The following MECOM variants were observed in gnomAD, a reference collection of about 807,000 sequenced individuals.
MECOM encodes the protein histone-lysine N-methyltransferase MECOM.
In MECOM, 13 loss-of-function variants were observed where a neutral mutation model predicts 116.3. The observed-to-expected ratio is 0.11, with a 90% CI of 0.07 to 0.18. The LOEUF (loss-of-function observed/expected upper bound fraction) is 0.18, where lower values mean the gene tolerates loss of function less well. Ranked by LOEUF, MECOM falls within the 10% of genes least tolerant of loss-of-function variation. The probability of loss-of-function intolerance (pLI) is 1.00; values close to 1 mark genes in which losing one functional copy is unlikely to be tolerated. For missense variants in MECOM, 1,299 were observed against 1,509.0 expected (o/e 0.86, Z 2.31); for synonymous variants, 528 against 535.2 (o/e 0.99, Z 0.19).
intron 3 of MECOM, chr3:169,131,804 G>A (rs1175459881): frequency 2.7e-6 from 2 of 743,292 alleles, no homozygotes; most frequent in Non-Finnish European, 3.7e-6. Flanking sequence ...AAGGCTAGCT[G>A]CGTCACATAT....
intron 1 of MECOM, among the ~76,000 whole-genome samples, chr3:169,631,618 C>A (rs1333701354): frequency 8.3e-6 from 1 of 121,028 alleles, no homozygotes; most frequent in Non-Finnish European, 1.7e-5. Context: ...CCCCTCCCCC[C>A]ACCCCACAAC....
chr3:169,498,416 C>G (rs1056058156), intron 1 of MECOM, among the ~76,000 whole-genome samples: 7 of 152,008 alleles, frequency 4.6e-5, no homozygotes, highest in Non-Finnish European at 8.8e-5. Context: ...TTTTCATGGA[C>G]CATAAAAGAA....
At chr3:169,237,945 G>C (rs1222106698) in intron 2 of MECOM, among the ~76,000 whole-genome samples, 1 of 151,988 alleles carries the variant, frequency 6.6e-6, no homozygotes, top group South Asian at 2.1e-4. Flanking sequence ...GGGAAGTCCA[G>C]GCAGGTGGAT....
intron 1 of MECOM, among the ~76,000 whole-genome samples, chr3:169,428,675 T>C (rs193283549): frequency 6.6e-6 from 1 of 152,368 alleles, no homozygotes; most frequent in East Asian, 1.9e-4. Context: ...ACACACTCTA[T>C]TGTACCTTTT....
chr3:169,448,172 A>G (rs1441384151), intron 1 of MECOM, among the ~76,000 whole-genome samples: 1 of 152,170 alleles, frequency 6.6e-6, no homozygotes, highest in Non-Finnish European at 1.5e-5. Context: ...AAATATTTTC[A>G]TGTAATTGAA....
chr3:169,167,626 T>G (rs950919816), intron 2 of MECOM, among the ~76,000 whole-genome samples: 10 of 152,138 alleles, frequency 6.6e-5, no homozygotes, highest in Admixed American at 6.5e-4. Context: ...ATCTTCTAAC[T>G]CCTCCTCCAT....
At chr3:169,094,740 C>T (rs1222333757) in intron 13 of MECOM, among the ~76,000 whole-genome samples, 1 of 152,212 alleles carries the variant, frequency 6.6e-6, no homozygotes, top group Admixed American at 6.5e-5. Context: ...TGCCTAGAGG[C>T]CACATTCTGT....
intron 1 of MECOM, among the ~76,000 whole-genome samples, chr3:169,660,222 C>T (rs187296723): frequency 1.3e-5 from 2 of 152,134 alleles, no homozygotes; most frequent in Non-Finnish European, 2.9e-5. Flanking sequence ...CTGCCAGAGT[C>T]GGTTTGGCTT....
At chr3:169,379,352 C>A (rs1337834598) in intron 2 of MECOM, among the ~76,000 whole-genome samples, 1 of 151,858 alleles carries the variant, frequency 6.6e-6, no homozygotes, top group African/African-American at 2.4e-5. Context: ...CAACTGAATT[C>A]TTGAAGGAGA....
chr3:169,612,506 A>G (rs1344641832), intron 1 of MECOM, among the ~76,000 whole-genome samples: 2 of 152,028 alleles, frequency 1.3e-5, no homozygotes, highest in African/African-American at 4.8e-5. Flanking sequence ...ACTTAAGGGT[A>G]GTTCAAGGGT....
At chr3:169,539,560 G>A (rs1759809829) in intron 1 of MECOM, among the ~76,000 whole-genome samples, 1 of 152,130 alleles carries the variant, frequency 6.6e-6, no homozygotes, top group South Asian at 2.1e-4. Context: ...ACAGTCAAAT[G>A]TTCACCAAGA....
chr3:169,214,456 G>T (rs1751174115), intron 2 of MECOM, among the ~76,000 whole-genome samples: 2 of 150,692 alleles, frequency 1.3e-5, no homozygotes. Flanking sequence ...ACTCATTCTA[G>T]GAAACTCCAT....
At chr3:169,493,018 T>C (rs1201874394) in intron 1 of MECOM, among the ~76,000 whole-genome samples, 1 of 152,212 alleles carries the variant, frequency 6.6e-6, no homozygotes, top group Non-Finnish European at 1.5e-5. Flanking sequence ...ACCTGTCTTT[T>C]CTTATTTAAA....
chr3:169,517,969 A>T (rs1371391133), intron 1 of MECOM, among the ~76,000 whole-genome samples: 1 of 152,236 alleles, frequency 6.6e-6, no homozygotes, highest in Non-Finnish European at 1.5e-5. Context: ...TTAAGAAAAC[A>T]GTTGACAGGG....
intron 7 of MECOM, among the ~76,000 whole-genome samples, chr3:169,118,327 A>G (rs1214845204): frequency 1.3e-5 from 2 of 152,210 alleles, no homozygotes; most frequent in Non-Finnish European, 2.9e-5. Context: ...AGAGGCTGTA[A>G]CATGCATTTT....
intron 2 of MECOM, among the ~76,000 whole-genome samples, chr3:169,239,914 G>T (rs987666908): frequency 4.6e-5 from 7 of 152,128 alleles, no homozygotes; most frequent in African/African-American, 1.7e-4. Context: ...TTATGCTTTA[G>T]TTGTAGAAGC....
At chr3:169,456,961 G>A (rs1345861067) in intron 1 of MECOM, among the ~76,000 whole-genome samples, 3 of 152,220 alleles carry the variant, frequency 2.0e-5, no homozygotes, top group African/African-American at 7.2e-5. Context: ...GCCCTGATGT[G>A]AGGCAGGTCA....
intron 2 of MECOM, among the ~76,000 whole-genome samples, chr3:169,348,383 A>G (rs1413716910): frequency 1.3e-5 from 2 of 152,006 alleles, no homozygotes; most frequent in Non-Finnish European, 2.9e-5. Context: ...ATCTCCAAGA[A>G]AGGGATAGTG....
At chr3:169,183,862 T>C (rs1315156898) in intron 2 of MECOM, among the ~76,000 whole-genome samples, 1 of 147,770 alleles carries the variant, frequency 6.8e-6, no homozygotes, top group Non-Finnish European at 1.5e-5. Flanking sequence ...TTCTTTTTTC[T>C]TTTTTCTCTT....
Sources: gnomAD v4.1 joint callset for allele counts (sites outside exome capture counted in the v4.1 genomes callset) on GRCh38, gnomAD v4.1.1 for gene constraint, MANE v1.5 for transcripts, NCBI Gene and HGNC (gene_info 2026-07-23, HGNC 2026-07-21) for gene names.